Variants in RABGAP1 observed in about 807,000 individuals in gnomAD.
RABGAP1 encodes RAB GTPase activating protein 1, also known as rab GTPase-activating protein 1.
In RABGAP1, 23 loss-of-function variants were observed where a neutral mutation model predicts 137.6. That is an observed-to-expected ratio of 0.17 (90% confidence interval 0.12 to 0.24). The LOEUF (loss-of-function observed/expected upper bound fraction) is 0.24. Among genes scored for constraint, RABGAP1 ranks in the 10% least tolerant of loss-of-function variants. RABGAP1 has a pLI of 1.00. For synonymous variants in RABGAP1, 451 were observed against 450.7 expected (o/e 1.00, Z -0.01); for missense variants, 906 against 1,275.8 (o/e 0.71, Z 4.42).
intron 4 of RABGAP1, among the ~76,000 whole-genome samples, chr9:122,988,802 G>A (rs1836503506): frequency 6.6e-6 from 1 of 151,928 alleles, no homozygotes; most frequent in South Asian, 2.1e-4. Flanking sequence ...AATTAGCCGG[G>A]CATGGTGGCA....
chr9:122,977,976 A>C (rs1169424653), intron 2 of RABGAP1, among the ~76,000 whole-genome samples: 1 of 152,192 alleles, frequency 6.6e-6, no homozygotes, highest in East Asian at 1.9e-4. Context: ...CTCAAATTGC[A>C]TCTTTTGTGG....
At chr9:123,002,113 C>G (rs1026239306) in intron 10 of RABGAP1, among the ~76,000 whole-genome samples, 9 of 151,972 alleles carry the variant, frequency 5.9e-5, no homozygotes, top group Non-Finnish European at 1.2e-4. Flanking sequence ...ACCAGCCTGA[C>G]CAACATGGAG....
chr9:123,025,663 T>C (rs2131954439), intron 13 of RABGAP1, among the ~76,000 whole-genome samples: 1 of 147,652 alleles, frequency 6.8e-6, no homozygotes, highest in East Asian at 2.0e-4. Flanking sequence ...GCAAATGGAA[T>C]AGTTTTGTCA....
chr9:123,026,387 A>G (rs946128089), intron 13 of RABGAP1, among the ~76,000 whole-genome samples: 9 of 152,116 alleles, frequency 5.9e-5, no homozygotes, highest in Non-Finnish European at 1.2e-4. Context: ...TTTATTAGGA[A>G]TGTTACTGAA....
intron 12 of RABGAP1, 76 bp from the exon 13 acceptor site, chr9:123,020,233 G>T: frequency 7.9e-7 from 1 of 1,259,896 alleles, no homozygotes; most frequent in South Asian, 2.3e-5. Context: ...CATTTAAATT[G>T]ACTTTGATAA....
chr9:123,090,132 T>G, intron 20 of RABGAP1, 143 bp from the exon 21 acceptor site: 2 of 670,636 alleles, frequency 3.0e-6, no homozygotes, highest in Non-Finnish European at 5.0e-6. Flanking sequence ...TAAGAAATTG[T>G]TGATTTGGAA....
intron 11 of RABGAP1, 87 bp from the exon 12 acceptor site, chr9:123,015,456 T>C (rs1466062498): frequency 2.5e-6 from 2 of 796,942 alleles, no homozygotes; most frequent in Non-Finnish European, 4.0e-6. Context: ...CAGTAAAGTC[T>C]TTCAAATTTG....
At chr9:123,066,414 C>T (rs1293701980) in intron 14 of RABGAP1, among the ~76,000 whole-genome samples, 2 of 152,200 alleles carry the variant, frequency 1.3e-5, no homozygotes, top group Non-Finnish European at 2.9e-5. Flanking sequence ...TAGAAAGAAA[C>T]GCTATGTCCA....
At chr9:123,047,990 G>T in intron 13 of RABGAP1, among the ~76,000 whole-genome samples, 1 of 129,956 alleles carries the variant, frequency 7.7e-6, no homozygotes, top group Non-Finnish European at 1.6e-5. Context: ...CCAGGCTGGA[G>T]TGCAATGGCG....
intron 17 of RABGAP1, 109 bp from the exon 18 acceptor site, chr9:123,076,136 C>G: frequency 1.7e-6 from 2 of 1,165,986 alleles, no homozygotes; most frequent in Non-Finnish European, 2.4e-6. Flanking sequence ...TAATGCATTT[C>G]CTTCCTTAAG....
intron 19 of RABGAP1, among the ~76,000 whole-genome samples, chr9:123,082,350 T>C (rs1350206193): frequency 6.6e-6 from 1 of 152,180 alleles, no homozygotes; most frequent in Non-Finnish European, 1.5e-5. Context: ...CCACTTCTGA[T>C]AGAGGATCTA....
chr9:123,084,009 A>G (rs1406498360), intron 19 of RABGAP1, among the ~76,000 whole-genome samples: 2 of 152,220 alleles, frequency 1.3e-5, no homozygotes, highest in Admixed American at 1.3e-4. Context: ...TTGCATTCTT[A>G]TGCTGGCATT....
At chr9:123,034,841 A>ACCC in intron 13 of RABGAP1, 1 of 1,613,056 alleles carries the variant, frequency 6.2e-7, no homozygotes, top group Non-Finnish European at 8.5e-7. Flanking sequence ...CTCCTCCATC[A>ACCC]CCCCCTTCCA....
chr9:123,086,207 T>C (rs1199434201), intron 19 of RABGAP1, among the ~76,000 whole-genome samples: 2 of 151,986 alleles, frequency 1.3e-5, no homozygotes, highest in African/African-American at 4.8e-5. Context: ...ATCCCAGAGG[T>C]GAATAGGAGT....
At chr9:123,069,938 T>C (rs777276454) in intron 14 of RABGAP1, among the ~76,000 whole-genome samples, 10 of 152,096 alleles carry the variant, frequency 6.6e-5, no homozygotes, top group Non-Finnish European at 1.5e-4. Context: ...CATGCATGTA[T>C]AGCAGGTGCC....
chr9:122,964,572 T>G (rs565260107), intron 2 of RABGAP1, among the ~76,000 whole-genome samples: 3 of 152,314 alleles, frequency 2.0e-5, no homozygotes, highest in Non-Finnish European at 4.4e-5. Context: ...ATGGAACATT[T>G]CAACCTGATA....
intron 13 of RABGAP1, among the ~76,000 whole-genome samples, chr9:123,053,492 G>C (rs2033572672): frequency 1.3e-5 from 2 of 152,092 alleles, no homozygotes; most frequent in Admixed American, 1.3e-4. Context: ...TATCCCATCT[G>C]TTTAGGGGAT....
intron 19 of RABGAP1, 157 bp from the exon 20 acceptor site, chr9:123,089,601 C>G: frequency 4.9e-6 from 3 of 612,594 alleles, no homozygotes; most frequent in Admixed American, 5.8e-5. Flanking sequence ...TGGGCTTATA[C>G]CCTACTCTGA....
chr9:122,997,058 G>A (rs1564389305), intron 8 of RABGAP1: 10 of 579,604 alleles, frequency 1.7e-5, no homozygotes, highest in South Asian at 7.9e-5. Context: ...TTTGATATTC[G>A]TAAGCATATA....
Sources: allele counts gnomAD v4.1 joint callset (sites outside exome capture counted in the v4.1 genomes callset), GRCh38; gene constraint gnomAD v4.1.1; transcripts MANE v1.5; gene names NCBI Gene and HGNC (gene_info 2026-07-23, HGNC 2026-07-21).